The following PLXDC2 variants were observed in gnomAD, a reference collection of about 807,000 sequenced individuals.
PLXDC2 encodes the protein plexin domain-containing protein 2.
Under a neutral mutation model 68.9 loss-of-function variants are expected in PLXDC2, and 40 were observed. That is an observed-to-expected ratio of 0.58 (90% CI 0.45 to 0.76). The LOEUF (loss-of-function observed/expected upper bound fraction) is 0.76, where lower values mean the gene tolerates loss of function less well. Ranked by LOEUF, PLXDC2 falls within the 30% of genes least tolerant of loss-of-function variation. The pLI is 0.00. For missense variants in PLXDC2, 644 were observed against 661.9 expected, an observed-to-expected ratio of 0.97 and a Z score of 0.30; for synonymous variants, 243 against 234.2, an observed-to-expected ratio of 1.04 and a Z score of -0.34.
chr10:20,221,079 G>C (rs962959346), intron 12 of PLXDC2, among the ~76,000 whole-genome samples: 4 of 151,968 alleles, frequency 2.6e-5, no homozygotes, highest in Non-Finnish European at 5.9e-5. Context: ...CTGACCTCAG[G>C]TGATCCACCC....
At chr10:19,840,196 A>ATT (rs200055815) in intron 1 of PLXDC2, among the ~76,000 whole-genome samples, 2 of 150,684 alleles carry the variant, frequency 1.3e-5, no homozygotes, top group Non-Finnish European at 3.0e-5. Flanking sequence ...GTGAAATGCT[A>ATT]TTTTTTTTTC....
At chr10:20,232,921 C>A (rs917454469) in intron 12 of PLXDC2, among the ~76,000 whole-genome samples, 1 of 151,970 alleles carries the variant, frequency 6.6e-6, no homozygotes, top group African/African-American at 2.4e-5. Flanking sequence ...AGAAAAGAAG[C>A]ATTTTGATAT....
chr10:20,207,706 A>G (rs1159549803), intron 9 of PLXDC2, among the ~76,000 whole-genome samples: 1 of 152,214 alleles, frequency 6.6e-6, no homozygotes, highest in East Asian at 1.9e-4. Flanking sequence ...TCCACACATC[A>G]AAATCTCATT....
At chr10:20,231,033 A>G (rs1169359955) in intron 12 of PLXDC2, among the ~76,000 whole-genome samples, 1 of 151,820 alleles carries the variant, frequency 6.6e-6, no homozygotes, top group Non-Finnish European at 1.5e-5. Context: ...TTCTCACCAC[A>G]CACAAAAATG....
chr10:20,139,869 C>T (rs1199027848), intron 4 of PLXDC2, among the ~76,000 whole-genome samples: 4 of 150,864 alleles, frequency 2.7e-5, no homozygotes, highest in South Asian at 2.1e-4. Context: ...TGGGGGGCTT[C>T]GGGAGGGATA....
chr10:19,910,171 TATA>T (rs1564626229), intron 1 of PLXDC2, among the ~76,000 whole-genome samples: 23 of 14,572 alleles, frequency 1.6e-3, no homozygotes, highest in Non-Finnish European at 3.2e-3. Context: ...TACACTTTTA[TATA>T]TATATATATA....
intron 4 of PLXDC2, chr10:20,070,760 G>A (rs973099537): frequency 2.0e-5 from 3 of 152,176 alleles, no homozygotes; most frequent in African/African-American, 7.2e-5. Flanking sequence ...AACCATATGT[G>A]CTTAAAATGT....
At chr10:19,999,859 G>A (rs1292977169) in intron 1 of PLXDC2, among the ~76,000 whole-genome samples, 1 of 152,154 alleles carries the variant, frequency 6.6e-6, no homozygotes, top group Non-Finnish European at 1.5e-5. Context: ...CTCAGGAAAA[G>A]CTGTCTGCTT....
intron 7 of PLXDC2, among the ~76,000 whole-genome samples, chr10:20,165,986 A>C (rs536020101): frequency 2.6e-5 from 4 of 152,258 alleles, no homozygotes; most frequent in Admixed American, 2.6e-4. Flanking sequence ...TCTTATTTAA[A>C]GAAAGGGGAG....
intron 1 of PLXDC2, among the ~76,000 whole-genome samples, chr10:19,944,104 C>T (rs954760611): frequency 6.6e-6 from 1 of 152,118 alleles, no homozygotes; most frequent in Non-Finnish European, 1.5e-5. Context: ...TCTCATGAAC[C>T]TGAAATCACT....
rs142000423 is a variant in PLXDC2, at chr10:19,993,897, C to T, written c.113-7878C>T. ...GTAAGGACAGAGAGTAGGGAATGTG[C>T]AGGGCACTTGCATCTTGGCCATAGG... On this transcript the variant is annotated intron_variant, in intron 1 of 13. Coordinates refer to ENST00000377252, the MANE Select transcript of PLXDC2 (RefSeq NM_032812.9). Among the ~76,000 whole-genome samples the T allele has an allele frequency of 7.7e-4, 118 of 152,334 alleles. 1 individual carries two copies. The highest frequency in any genetic ancestry group is 2.7e-3 in the African/African-American group (114 of 41,592).
chr10:20,072,948 G>A (rs987202500), intron 4 of PLXDC2, among the ~76,000 whole-genome samples: 6 of 152,152 alleles, frequency 3.9e-5, no homozygotes, highest in African/African-American at 1.4e-4. Flanking sequence ...TTTGACAGAT[G>A]CTTGTCAGCC....
chr10:19,964,994 G>A (rs1196829983), intron 1 of PLXDC2, among the ~76,000 whole-genome samples: 1 of 152,102 alleles, frequency 6.6e-6, no homozygotes, highest in Non-Finnish European at 1.5e-5. Flanking sequence ...TATCCTGCTT[G>A]CAAGTCCCCA....
intron 9 of PLXDC2, among the ~76,000 whole-genome samples, chr10:20,205,434 C>G (rs1834977912): frequency 6.6e-6 from 1 of 152,142 alleles, no homozygotes; most frequent in South Asian, 2.1e-4. Context: ...ATTTACAAAA[C>G]CATGTAATTT....
At chr10:20,130,181 C>T (rs979620837) in intron 4 of PLXDC2, among the ~76,000 whole-genome samples, 2 of 151,944 alleles carry the variant, frequency 1.3e-5, no homozygotes, top group Admixed American at 6.6e-5. Context: ...TTTGTGATTT[C>T]TTTAATTTTC....
At chr10:20,098,357 A>ATGTG (rs35209594) in intron 4 of PLXDC2, among the ~76,000 whole-genome samples, 3,150 of 145,466 alleles carry the variant, frequency 0.022, 70 homozygotes, top group African/African-American at 0.04. Context: ...GTGTGTGTGT[A>ATGTG]TGTGTGTGTG....
At chr10:19,954,256 C>A (rs538774002) in intron 1 of PLXDC2, among the ~76,000 whole-genome samples, 1 of 152,096 alleles carries the variant, frequency 6.6e-6, no homozygotes, top group African/African-American at 2.4e-5. Flanking sequence ...TTAACATTAT[C>A]TACTGAAAAC....
intron 2 of PLXDC2, among the ~76,000 whole-genome samples, chr10:20,015,854 T>C (rs534789671): frequency 1.3e-5 from 2 of 152,290 alleles, no homozygotes; most frequent in East Asian, 1.9e-4. Context: ...TTCGGTTTGT[T>C]CCAACCATCG....
intron 1 of PLXDC2, among the ~76,000 whole-genome samples, chr10:19,946,233 A>G (rs1000758872): frequency 6.6e-6 from 1 of 152,128 alleles, no homozygotes; most frequent in African/African-American, 2.4e-5. Context: ...AATCTTCGAA[A>G]ATGTAGATTT....
Sources: gnomAD v4.1 joint callset for allele counts (sites outside exome capture counted in the v4.1 genomes callset) on GRCh38, gnomAD v4.1.1 for gene constraint, MANE v1.5 for transcripts, NCBI Gene and HGNC (gene_info 2026-07-23, HGNC 2026-07-21) for gene names.